The following AUTS2 variants were observed in gnomAD, a reference collection of about 807,000 sequenced individuals.
AUTS2 encodes autism susceptibility gene 2 protein.
Under a neutral mutation model 112.4 loss-of-function variants are expected in AUTS2, and 17 were observed. That is an observed-to-expected ratio of 0.15 (90% confidence interval 0.10 to 0.23). The LOEUF is 0.23. Ranked by LOEUF, AUTS2 falls within the 10% of genes least tolerant of loss-of-function variation. AUTS2 has a pLI of 1.00. For synonymous variants in AUTS2, 751 were observed against 702.7 expected, an observed-to-expected ratio of 1.07 and a Z score of -1.09; for missense variants, 1,510 against 1,701.6, an observed-to-expected ratio of 0.89 and a Z score of 1.98.
intron 5 of AUTS2, among the ~76,000 whole-genome samples, chr7:70,491,535 TATACAC>T (rs1357956888): frequency 6.8e-6 from 1 of 148,144 alleles, no homozygotes; most frequent in Admixed American, 6.8e-5. Flanking sequence ...ATATATTATA[TATACAC>T]ATATATGTTA....
intron 2 of AUTS2, among the ~76,000 whole-genome samples, chr7:70,022,849 A>G (rs997842911): frequency 6.9e-6 from 1 of 145,600 alleles, no homozygotes; most frequent in Non-Finnish European, 1.5e-5. Flanking sequence ...CATCTTTTTG[A>G]ATTAAATTAA....
intron 2 of AUTS2, among the ~76,000 whole-genome samples, chr7:70,110,859 CTTTTTTTTT>C (rs71077618): frequency 2.1e-4 from 17 of 82,802 alleles, no homozygotes; most frequent in Admixed American, 3.3e-4. Flanking sequence ...TTCTTTCTTT[CTTTTTTTTT>C]TTTTTTTTTT....
chr7:70,725,204 G>T (rs1014945568), intron 6 of AUTS2, among the ~76,000 whole-genome samples: 26 of 152,198 alleles, frequency 1.7e-4, no homozygotes, highest in Non-Finnish European at 2.9e-5. Context: ...ATTGGACTTT[G>T]AAAGTGGTTT....
chr7:69,834,708 C>T (rs1791647615), intron 1 of AUTS2, among the ~76,000 whole-genome samples: 1 of 152,176 alleles, frequency 6.6e-6, no homozygotes, highest in Non-Finnish European at 1.5e-5. Context: ...ATAAGAACTA[C>T]TTTAGAATGC....
intron 2 of AUTS2, among the ~76,000 whole-genome samples, chr7:70,080,351 G>C (rs1562670647): frequency 6.6e-6 from 1 of 152,100 alleles, no homozygotes; most frequent in Non-Finnish European, 1.5e-5. Context: ...TCATGTCTTA[G>C]GTGTTCCACT....
At chr7:70,713,642 C>A (rs1810184545) in intron 6 of AUTS2, among the ~76,000 whole-genome samples, 1 of 151,776 alleles carries the variant, frequency 6.6e-6, no homozygotes, top group South Asian at 2.1e-4. Context: ...CGCCTGTAAT[C>A]CCAGCACTTT....
In AUTS2 at chr7:70,630,624, G is replaced by A. The variant is rs554419630; in HGVS notation, c.691-67945G>A. Among the ~76,000 whole-genome samples, 4 of 152,312 alleles carry A rather than the reference G, an allele frequency of 2.6e-5. No individual in the cohort carries two copies. The East Asian group carries it at 7.7e-4, about 29-fold the overall frequency. Reference sequence around the variant, plus strand: ...ATCTGGCTGGAGAGGCCCATGCAGTGAGTGAACATCACATACATAATTCTA... The same window carrying A: ...ATCTGGCTGGAGAGGCCCATGCAGTAAGTGAACATCACATACATAATTCTA... On this transcript the variant is annotated intron_variant, in intron 5 of 18. Coordinates refer to ENST00000342771, the MANE Select transcript of AUTS2 (RefSeq NM_015570.4).
intron 1 of AUTS2, among the ~76,000 whole-genome samples, chr7:69,718,233 G>A (rs572238150): frequency 6.6e-6 from 1 of 152,300 alleles, no homozygotes; most frequent in South Asian, 2.1e-4. Context: ...ATCAGAAATT[G>A]TGGTGGATAT....
intron 2 of AUTS2, among the ~76,000 whole-genome samples, chr7:70,073,747 A>G (rs937855959): frequency 3.9e-5 from 6 of 152,178 alleles, no homozygotes; most frequent in African/African-American, 1.4e-4. Context: ...TAAAGTTTCT[A>G]ACATAGAAAT....
intron 4 of AUTS2, among the ~76,000 whole-genome samples, chr7:70,367,223 A>G (rs1792615992): frequency 6.6e-6 from 1 of 152,162 alleles, no homozygotes; most frequent in Non-Finnish European, 1.5e-5. Context: ...AGATGGTGCC[A>G]CTGCTCTCCA....
chr7:70,324,645 G>A (rs908483563), intron 4 of AUTS2, among the ~76,000 whole-genome samples: 11 of 152,028 alleles, frequency 7.2e-5, no homozygotes, highest in African/African-American at 2.7e-4. Flanking sequence ...ATAATTACAG[G>A]GTTGGCCTCC....
chr7:69,776,232 G>A (rs893816926), intron 1 of AUTS2, among the ~76,000 whole-genome samples: 2 of 152,164 alleles, frequency 1.3e-5, no homozygotes, highest in South Asian at 2.1e-4. Flanking sequence ...TTAAAGGGTC[G>A]TAATACTTGA....
intron 2 of AUTS2, among the ~76,000 whole-genome samples, chr7:69,904,745 A>T (rs1489545139): frequency 1.3e-5 from 2 of 152,212 alleles, no homozygotes; most frequent in Non-Finnish European, 2.9e-5. Flanking sequence ...GGTATCAAAT[A>T]AAATTCTTTA....
At chr7:69,671,470 GGCTGCT>G (rs143357830) in intron 1 of AUTS2, among the ~76,000 whole-genome samples, 5 of 145,242 alleles carry the variant, frequency 3.4e-5, no homozygotes, top group Admixed American at 6.9e-5. Context: ...AAAATGTTTT[GGCTGCT>G]GCTGCTGCTG....
intron 4 of AUTS2, among the ~76,000 whole-genome samples, chr7:70,232,372 A>G (rs531769992): frequency 1.5e-4 from 22 of 151,568 alleles, no homozygotes; most frequent in African/African-American, 5.3e-4. Context: ...TAACGTGGTC[A>G]GCAACATAAT....
At chr7:70,785,699 T>C (rs543670517) in intron 16 of AUTS2, among the ~76,000 whole-genome samples, 1 of 152,356 alleles carries the variant, frequency 6.6e-6, no homozygotes, top group South Asian at 2.1e-4. Flanking sequence ...GCTTGAGTAG[T>C]GTCCCCACTG....
chr7:70,393,272 C>T (rs1339427630), intron 4 of AUTS2, among the ~76,000 whole-genome samples: 1 of 152,190 alleles, frequency 6.6e-6, no homozygotes, highest in Non-Finnish European at 1.5e-5. Flanking sequence ...CAAGTAAGCA[C>T]CATATGTCTT....
rs1356499714 is a variant in AUTS2, at chr7:69,784,475, G to A, written c.310-114811G>A. ...GGTGTTTGCTGCTGTTTGTTCTTTG[G>A]AGTCTGAGGGGCTTCTGACCTTGGC... is the stretch of plus-strand genomic sequence containing the variant. On this transcript the variant is annotated intron_variant, in intron 1 of 18. Coordinates refer to ENST00000342771, the MANE Select transcript of AUTS2 (RefSeq NM_015570.4). Among the ~76,000 whole-genome samples, 3 of 152,180 alleles carry A rather than the reference G, an allele frequency of 2.0e-5. No individual in the cohort carries two copies. The East Asian group carries it at 5.8e-4, about 29-fold the overall frequency.
chr7:69,635,996 C>T (rs2129109799), intron 1 of AUTS2, among the ~76,000 whole-genome samples: 1 of 152,190 alleles, frequency 6.6e-6, no homozygotes, highest in East Asian at 1.9e-4. Context: ...GCTAATTGAA[C>T]TGGTTGTAGC....
Sources: allele counts gnomAD v4.1 joint callset (sites outside exome capture counted in the v4.1 genomes callset), GRCh38; gene constraint gnomAD v4.1.1; transcripts MANE v1.5; gene names NCBI Gene and HGNC (gene_info 2026-07-23, HGNC 2026-07-21).